Variants in BCKDHB observed in about 807,000 individuals in gnomAD.
BCKDHB encodes branched chain keto acid dehydrogenase E1 subunit beta.
BCKDHB carries 41 observed loss-of-function variants against 48.5 expected under a neutral mutation model. The observed-to-expected ratio is 0.85, with a 90% CI of 0.66 to 1.10. The LOEUF (loss-of-function observed/expected upper bound fraction) is 1.10, where lower values mean the gene tolerates loss of function less well. Among genes scored for constraint, BCKDHB ranks in the 50% least tolerant of loss-of-function variants. The pLI is 0.00. For missense variants in BCKDHB, 496 were observed against 494.2 expected (o/e 1.00, Z -0.03); for synonymous variants, 201 against 174.8 (o/e 1.15, Z -1.18).
chr6:80,306,153 A>G (rs1767866055), intron 9 of BCKDHB, among the ~76,000 whole-genome samples: 1 of 152,200 alleles, frequency 6.6e-6, no homozygotes, highest in Non-Finnish European at 1.5e-5. Flanking sequence ...TTACACCTTT[A>G]TTCTTTTCAT....
chr6:80,438,952 T>C, the BCKDHB span, among the ~76,000 whole-genome samples: 2 of 152,124 alleles, frequency 1.3e-5, no homozygotes, highest in African/African-American at 2.4e-5. Flanking sequence ...AGATTCCATC[T>C]GAATAACTCA....
chr6:80,395,548 C>T, the BCKDHB span, among the ~76,000 whole-genome samples: 7 of 152,222 alleles, frequency 4.6e-5, no homozygotes, highest in Middle Eastern at 3.4e-3. Flanking sequence ...AATTTCTAAG[C>T]GGCAAAGCAT....
the BCKDHB span, among the ~76,000 whole-genome samples, chr6:80,418,823 G>C: frequency 2.0e-5 from 3 of 152,294 alleles, no homozygotes; most frequent in South Asian, 6.2e-4. Flanking sequence ...GGGTGCCGGG[G>C]TTCCTGCCTC....
chr6:80,393,056 T>A, the BCKDHB span, among the ~76,000 whole-genome samples: 1 of 152,080 alleles, frequency 6.6e-6, no homozygotes, highest in South Asian at 2.1e-4. Context: ...TTTTTCATAA[T>A]TTTTTCATCA....
chr6:80,415,535 G>A, the BCKDHB span, among the ~76,000 whole-genome samples: 1 of 152,088 alleles, frequency 6.6e-6, no homozygotes, highest in Non-Finnish European at 1.5e-5. Context: ...TAATCATGTG[G>A]TTTTTGTTTT....
At chr6:80,271,634 G>A (rs1777744470) in intron 8 of BCKDHB, among the ~76,000 whole-genome samples, 1 of 152,036 alleles carries the variant, frequency 6.6e-6, no homozygotes, top group Admixed American at 6.6e-5. Flanking sequence ...ATTTCTACCT[G>A]CTCAAAATTT....
intron 5 of BCKDHB, among the ~76,000 whole-genome samples, chr6:80,170,367 T>C (rs1419665395): frequency 6.6e-6 from 1 of 152,216 alleles, no homozygotes. Context: ...TCTTCCTATA[T>C]AATATTTGTC....
chr6:80,158,596 G>C (rs1417074962), intron 3 of BCKDHB, among the ~76,000 whole-genome samples: 2 of 152,168 alleles, frequency 1.3e-5, no homozygotes, highest in African/African-American at 4.8e-5. Context: ...ACCAATGACA[G>C]CCTTGGCCAA....
downstream of BCKDHB, among the ~76,000 whole-genome samples, chr6:80,346,956 G>T (rs1432565983): frequency 1.3e-5 from 2 of 151,708 alleles, no homozygotes; most frequent in Non-Finnish European, 2.9e-5. Context: ...AAAGAATGAG[G>T]GTTGTCATGT....
intron 9 of BCKDHB, among the ~76,000 whole-genome samples, chr6:80,297,749 A>G (rs1251569056): frequency 1.3e-5 from 2 of 152,192 alleles, no homozygotes; most frequent in African/African-American, 4.8e-5. Context: ...TCTGATCCAT[A>G]CTTGCAGAGA....
intron 9 of BCKDHB, among the ~76,000 whole-genome samples, chr6:80,310,348 T>G (rs1012269209): frequency 1.3e-5 from 2 of 152,042 alleles, no homozygotes; most frequent in African/African-American, 4.8e-5. Flanking sequence ...TGAGAACATG[T>G]GGTATTTAGT....
chr6:80,348,052 T>A (rs4706840), downstream of BCKDHB, among the ~76,000 whole-genome samples: 63,111 of 151,944 alleles, frequency 0.42, 15,572 homozygotes, highest in Admixed American at 0.57. Context: ...GGAAAAAATA[T>A]AATAACTGCA....
chr6:80,197,317 A>T (rs1469093461), intron 6 of BCKDHB, among the ~76,000 whole-genome samples: 2 of 152,234 alleles, frequency 1.3e-5, no homozygotes, highest in African/African-American at 4.8e-5. Context: ...TGGACATATT[A>T]AAATTAATTC....
At chr6:80,240,806 G>T (rs1776351920) in intron 8 of BCKDHB, among the ~76,000 whole-genome samples, 1 of 152,054 alleles carries the variant, frequency 6.6e-6, no homozygotes, top group Non-Finnish European at 1.5e-5. Context: ...TGTCTTGCTA[G>T]GTTGGGGAAG....
intron 3 of BCKDHB, among the ~76,000 whole-genome samples, chr6:80,144,774 A>G (rs1771396899): frequency 6.6e-6 from 1 of 152,140 alleles, no homozygotes; most frequent in African/African-American, 2.4e-5. Flanking sequence ...CAGTAAAGTA[A>G]AATTTCAGTA....
intron 8 of BCKDHB, among the ~76,000 whole-genome samples, chr6:80,258,966 T>C (rs1031450292): frequency 6.6e-6 from 1 of 152,198 alleles, no homozygotes; most frequent in Non-Finnish European, 1.5e-5. Context: ...TATTTGCAAA[T>C]GTTTTTTCCT....
chr6:80,194,174 C>T (rs1029540558), intron 6 of BCKDHB, among the ~76,000 whole-genome samples: 1 of 152,102 alleles, frequency 6.6e-6, no homozygotes, highest in African/African-American at 2.4e-5. Flanking sequence ...TTTTCCCAGC[C>T]ATCTAAGGGA....
chr6:80,372,377 G>T, the BCKDHB span, among the ~76,000 whole-genome samples: 1 of 151,292 alleles, frequency 6.6e-6, no homozygotes, highest in African/African-American at 2.4e-5. Flanking sequence ...GTCTTTATAT[G>T]ATCATATCAG....
At chr6:80,339,743 T>C (rs973274450) in intron 9 of BCKDHB, among the ~76,000 whole-genome samples, 1 of 152,236 alleles carries the variant, frequency 6.6e-6, no homozygotes, top group Non-Finnish European at 1.5e-5. Flanking sequence ...AAGAGGCTTC[T>C]AAGACTGAAC....
Sources: allele counts gnomAD v4.1 joint callset (sites outside exome capture counted in the v4.1 genomes callset), GRCh38; gene constraint gnomAD v4.1.1; transcripts MANE v1.5; gene names NCBI Gene and HGNC (gene_info 2026-07-23, HGNC 2026-07-21).